The following BCL11B variants were observed in gnomAD, a reference collection of about 807,000 sequenced individuals.
BCL11B encodes BCL11 transcription factor B.
BCL11B carries 8 observed loss-of-function variants against 49.9 expected under a neutral mutation model. The ratio of observed to expected loss-of-function variants is 0.16; its 90% CI spans 0.09 to 0.29. BCL11B has a LOEUF of 0.29. Ranked by LOEUF, BCL11B falls within the 10% of genes least tolerant of loss-of-function variation. The pLI, the probability that BCL11B is intolerant of heterozygous loss-of-function variation, is 1.00. For missense variants in BCL11B, 1,006 were observed against 1,351.0 expected (o/e 0.74, Z 4.00); for synonymous variants, 739 against 637.4 (o/e 1.16, Z -2.40).
rs189135546 is a variant in BCL11B, at chr14:99,172,850, A to T, written c.*1301T>A. 117 of 226,288 alleles carry T rather than the reference A, an allele frequency of 5.2e-4. 1 individual carries two copies. Among genetic ancestry groups the T allele is most frequent in the African/African-American group, 2.5e-3 (111 of 44,982 alleles). 14.0% of individuals were successfully genotyped at this position (226,288 alleles called of 1,614,324 possible). Reference sequence around the variant, plus strand: ...CTTCCAACCTAATGAGATAGGAAAAAAAAAATAAAAACCTGGGAAGTAGCG... The same window carrying T: ...CTTCCAACCTAATGAGATAGGAAAATAAAAATAAAAACCTGGGAAGTAGCG... On this transcript the variant is annotated 3_prime_UTR_variant, in exon 4 of 4. Transcript: ENST00000357195.
intron 3 of BCL11B, among the ~76,000 whole-genome samples, chr14:99,185,205 G>GCACTTTA (rs1482779556): frequency 6.6e-6 from 1 of 152,160 alleles, no homozygotes; most frequent in East Asian, 1.9e-4. Flanking sequence ...AGTAGGCCAA[G>GCACTTTA]GTGGGCGGAT....
intron 3 of BCL11B, among the ~76,000 whole-genome samples, chr14:99,189,605 C>T (rs991122297): frequency 6.6e-6 from 1 of 152,226 alleles, no homozygotes; most frequent in African/African-American, 2.4e-5. Flanking sequence ...GGGTCAGCAG[C>T]TGGATCCAAT....
At position 99,242,863 on chromosome 14, in the gene BCL11B, G is replaced by A. The variant is rs186626009; in HGVS notation, c.428-11306C>T. On this transcript the variant is annotated intron_variant, in intron 2 of 3. Transcript: ENST00000357195. The surrounding 1 kb of genome is among the most constrained non-coding windows in gnomAD (Gnocchi z 4.4). ...ACACTTAGGCCCTCTGGCTTCCCTA[G>A]TGAAGGTACCATTTCATAGCAGACA... Among the ~76,000 whole-genome samples the A allele has an allele frequency of 6.6e-6, 1 of 152,318 alleles. No individual in the cohort carries two copies. Among genetic ancestry groups the A allele is most frequent in the East Asian group, 1.9e-4 (1 of 5,180 alleles).
At position 99,262,762 on chromosome 14, in the gene BCL11B, C is replaced by A. The variant is rs1260489490; in HGVS notation, c.59-4923G>T. On this transcript the variant is annotated intron_variant, in intron 1 of 3. Coordinates refer to ENST00000357195, the MANE Select transcript of BCL11B (RefSeq NM_138576.4). This position sits in a 1 kb window ranked among gnomAD's most constrained non-coding sequence, Gnocchi z 4.2. ...GCTGGGACTCCAGGCGACACGGAAA[C>A]GCCACCACACGCACACTCGACGGAG... 6.6e-6 allele frequency among the ~76,000 whole-genome samples: 1 copy of A among 152,066 alleles called. No homozygotes were observed. The highest frequency in any genetic ancestry group is 1.5e-5 in the Non-Finnish European group (1 of 68,032).
In BCL11B at chr14:99,271,738, T is replaced by C. The variant is rs1889696948; in HGVS notation, c.-520A>G. 2.1e-5 allele frequency among the ~76,000 whole-genome samples: 3 copies of C among 145,178 alleles called. No homozygotes were observed. Among genetic ancestry groups the C allele is most frequent in the South Asian group, 4.4e-4 (2 of 4,556 alleles). On this transcript the variant is annotated 5_prime_UTR_variant, in exon 1 of 4. Coordinates refer to ENST00000357195, the MANE Select transcript of BCL11B (RefSeq NM_138576.4). ...ACTTCTACCAGGAGGGGAAAAAAAA[T>C]GCAAACAAATAAAAAAATAAAAGAA...
intron 1 of BCL11B, among the ~76,000 whole-genome samples, chr14:99,269,515 TC>T (rs61216322): frequency 0.026 from 3,168 of 120,608 alleles, 60 homozygotes; most frequent in East Asian, 0.066. Flanking sequence ...TAATTTCTAT[TC>T]CCCCCCCCCC....
At chr14:99,266,280 C>T (rs1889480466) in intron 1 of BCL11B, among the ~76,000 whole-genome samples, 1 of 152,084 alleles carries the variant, frequency 6.6e-6, no homozygotes, top group African/African-American at 2.4e-5. Context: ...TACACGACTC[C>T]CAAAAGCAGC....
chr14:99,245,232 A>G (rs191922048), intron 2 of BCL11B, among the ~76,000 whole-genome samples: 3 of 152,316 alleles, frequency 2.0e-5, no homozygotes, highest in Admixed American at 2.0e-4. Flanking sequence ...CAAGGTGACG[A>G]TTTGCATACA....
At chr14:99,207,718 C>T (rs1282856562) in intron 3 of BCL11B, among the ~76,000 whole-genome samples, 2 of 152,192 alleles carry the variant, frequency 1.3e-5, no homozygotes, top group African/African-American at 4.8e-5. Flanking sequence ...TAAACAGGAG[C>T]TCCCTCGGCT....
chr14:99,218,593 A>G (rs926796413), intron 3 of BCL11B, among the ~76,000 whole-genome samples: 10 of 152,220 alleles, frequency 6.6e-5, no homozygotes, highest in Admixed American at 5.9e-4. Flanking sequence ...TCCAGCTTCA[A>G]TGCAGGAGAC....
chr14:99,195,182 G>A lies in BCL11B; in HGVS notation c.641-18987C>T, dbSNP rs1373161052. ...AAGTACCTAAAGCAAGCCAAGATGC[G>A]TTCTCAGGAAAATATGTGGAGCGAA... On this transcript the variant is annotated intron_variant, in intron 3 of 3. Coordinates refer to ENST00000357195, the MANE Select transcript of BCL11B (RefSeq NM_138576.4). This position sits in a 1 kb window ranked among gnomAD's most constrained non-coding sequence, Gnocchi z 4.7. 9.9e-5 allele frequency among the ~76,000 whole-genome samples: 15 copies of A among 152,162 alleles called. No individual in the cohort carries two copies. Among genetic ancestry groups the A allele is most frequent in the African/African-American group, 4.8e-5 (2 of 41,428 alleles).
Position 99,262,921 on chromosome 14 carries a change from T to C in BCL11B, c.59-5082A>G, listed in dbSNP as rs1024065219. ...AATTCTTGGTGGAGAAAATAATCTA[T>C]GACTAGATGACGCTTAAAGGCACGA... On this transcript the variant is annotated intron_variant, in intron 1 of 3. Coordinates refer to ENST00000357195, the MANE Select transcript of BCL11B (RefSeq NM_138576.4). This position sits in a 1 kb window ranked among gnomAD's most constrained non-coding sequence, Gnocchi z 4.2. 1 of 152,044 alleles carries C rather than the reference T, an allele frequency of 6.6e-6. No individual in the cohort carries two copies. Among genetic ancestry groups the C allele is most frequent in the Admixed American group, 6.5e-5 (1 of 15,272 alleles). 9.4% of individuals were successfully genotyped at this position (152,044 alleles called of 1,614,324 possible). A position where few individuals can be genotyped will look rare whatever the true frequency, so the allele number is the denominator to read the frequency against.
intron 2 of BCL11B, among the ~76,000 whole-genome samples, chr14:99,244,102 C>G (rs1056662041): frequency 4.6e-5 from 7 of 152,176 alleles, no homozygotes; most frequent in Non-Finnish European, 1.5e-5. Context: ...AGATCCTGAA[C>G]AAGAGCCTTC....
rs969171995 is a variant in BCL11B at position 99,194,488 on chromosome 14, T to C, written c.641-18293A>G. 5.9e-5 allele frequency among the ~76,000 whole-genome samples: 9 copies of C among 152,224 alleles called. No individual in the cohort carries two copies. The highest frequency in any genetic ancestry group is 1.0e-4 in the Non-Finnish European group (7 of 68,040). Reference sequence around the variant, plus strand: ...CCAGAACCCCATCCAGTGTTGCCCATGCACCTTGAACAAAGGACTGAACAC... The same window carrying C: ...CCAGAACCCCATCCAGTGTTGCCCACGCACCTTGAACAAAGGACTGAACAC... On this transcript the variant is annotated intron_variant, in intron 3 of 3. Coordinates refer to ENST00000357195, the MANE Select transcript of BCL11B (RefSeq NM_138576.4). The surrounding 1 kb of genome is among the most constrained non-coding windows in gnomAD (Gnocchi z 4.6).
rs764314197 is a variant in BCL11B, at chr14:99,174,845, G to A, written c.1991C>T (p.Pro664Leu). Residue 664 changes from proline (P) to leucine (L), a missense_variant, in exon 4 of 4, where the codon CCC becomes CTC. Pro to Leu is a moderately conservative substitution (Grantham distance 98). Transcript: ENST00000357195. ...CTTGCGCGGGAAGAGCCCGGGGAAG[G>A]GCTCGGTGCCTGGCGCGAAGCCGCC... is the stretch of plus-strand genomic sequence containing the variant. Reference protein sequence around the residue: ...RGGGFAPGTEPFPGLFPRKPA... With the variant: ...RGGGFAPGTELFPGLFPRKPA... 1.6e-6 allele frequency: 2 copies of A among 1,281,832 alleles called. No individual in the cohort carries two copies. The highest frequency in any genetic ancestry group is 2.6e-5 in the South Asian group (1 of 37,808). 79.4% of individuals were successfully genotyped at this position (1,281,832 alleles called of 1,614,324 possible). A position where few individuals can be genotyped will look rare whatever the true frequency, so the allele number is the denominator to read the frequency against.
chr14:99,237,478 T>G (rs1888537023), intron 2 of BCL11B, among the ~76,000 whole-genome samples: 1 of 152,062 alleles, frequency 6.6e-6, no homozygotes, highest in Non-Finnish European at 1.5e-5. Flanking sequence ...CCCCAGAGCA[T>G]CTGGGGGACC....
intron 2 of BCL11B, among the ~76,000 whole-genome samples, chr14:99,254,289 C>T (rs770690190): frequency 6.6e-6 from 1 of 152,248 alleles, no homozygotes; most frequent in Non-Finnish European, 1.5e-5. Context: ...ACAGTAATTA[C>T]TCTCCAGAAT....
chr14:99,220,955 A>G (rs1220098109), intron 3 of BCL11B, among the ~76,000 whole-genome samples: 2 of 152,020 alleles, frequency 1.3e-5, no homozygotes, highest in Non-Finnish European at 2.9e-5. Flanking sequence ...GGTTCAAGCG[A>G]TTCTCCTGCC....
In BCL11B at chr14:99,257,745, G is replaced by A. The variant is rs747325432; in HGVS notation, c.153C>T (p.Pro51=). ...GGCCACAGGTGAGCAGGTCAGGGTC[G>A]GGGCCACCCACCATCAGCCCCAGGC... ...PSGLGLMVGG[P]DPDLLTCGQC... Residue 51 remains proline (P), a synonymous_variant, in exon 2 of 4, where the codon CCC becomes CCT. Coordinates refer to ENST00000357195, the MANE Select transcript of BCL11B (RefSeq NM_138576.4). The surrounding 1 kb of genome is among the most constrained non-coding windows in gnomAD (Gnocchi z 6.2). 13 of 1,608,634 alleles carry A rather than the reference G, an allele frequency of 8.1e-6. No individual in the cohort carries two copies. The highest frequency in any genetic ancestry group is 8.0e-5 in the African/African-American group (6 of 74,788).
Sources: allele counts gnomAD v4.1 joint callset (sites outside exome capture counted in the v4.1 genomes callset), GRCh38; gene constraint gnomAD v4.1.1; non-coding constraint Gnocchi (gnomAD v3.1); transcripts MANE v1.5; gene names NCBI Gene and HGNC (gene_info 2026-07-23, HGNC 2026-07-21).